The following SH3PXD2A variants were observed in gnomAD, a reference collection of about 807,000 sequenced individuals.
The protein encoded by SH3PXD2A is SH3 and PX domain-containing protein 2A.
Under a neutral mutation model 115.2 loss-of-function variants are expected in SH3PXD2A, and 32 were observed. The ratio of observed to expected loss-of-function variants is 0.28; its 90% CI spans 0.21 to 0.37. SH3PXD2A has a LOEUF of 0.37. Ranked by LOEUF, SH3PXD2A falls within the 10% of genes least tolerant of loss-of-function variation. The pLI is 1.00. For synonymous variants in SH3PXD2A, 610 were observed against 629.1 expected, an observed-to-expected ratio of 0.97 and a Z score of 0.45; for missense variants, 1,328 against 1,498.7, an observed-to-expected ratio of 0.89 and a Z score of 1.88.
intron 1 of SH3PXD2A, among the ~76,000 whole-genome samples, chr10:103,834,594 T>C (rs188386355): frequency 6.6e-6 from 1 of 152,370 alleles, no homozygotes; most frequent in East Asian, 1.9e-4. Flanking sequence ...AATAAAGCTG[T>C]TCCAAAAAGG....
intron 1 of SH3PXD2A, among the ~76,000 whole-genome samples, chr10:103,848,634 C>G (rs1444001020): frequency 2.0e-5 from 3 of 152,174 alleles, no homozygotes; most frequent in African/African-American, 7.2e-5. Context: ...CCACCTCCAG[C>G]ACCTTTGCTT....
At chr10:103,670,143 G>A (rs545727505) in intron 6 of SH3PXD2A, among the ~76,000 whole-genome samples, 1 of 152,232 alleles carries the variant, frequency 6.6e-6, no homozygotes, top group East Asian at 1.9e-4. Flanking sequence ...TTGCAGGTTG[G>A]CTCCCGGTGT....
rs745859057 is a variant in SH3PXD2A, at chr10:103,756,629, C to T, written c.229+10465G>A. On this transcript the variant is annotated intron_variant, in intron 3 of 14. Coordinates refer to ENST00000369774, the MANE Select transcript of SH3PXD2A (RefSeq NM_001394015.1). The surrounding 1 kb of genome is among the most constrained non-coding windows in gnomAD (Gnocchi z 4.4). ...AGGAAGTCCTTTCCCTTCACCCCCA[C>T]GGATGCAGCCCACAGGCAGGAGTGG... Among the ~76,000 whole-genome samples, 12 of 152,152 alleles carry T rather than the reference C, an allele frequency of 7.9e-5. No individual in the cohort carries two copies. The highest frequency in any genetic ancestry group is 1.3e-4 in the Admixed American group (2 of 15,286).
chr10:103,641,669 C>T (rs1036997915), intron 8 of SH3PXD2A, among the ~76,000 whole-genome samples: 4 of 152,206 alleles, frequency 2.6e-5, no homozygotes, highest in Non-Finnish European at 4.4e-5. Flanking sequence ...TCTGCTTCTC[C>T]TCCACTCCAC....
chr10:103,633,320 G>A (rs1401463958), intron 8 of SH3PXD2A, among the ~76,000 whole-genome samples: 1 of 152,072 alleles, frequency 6.6e-6, no homozygotes, highest in African/African-American at 2.4e-5. Flanking sequence ...GGAGGCTGAG[G>A]CATGAGAATC....
intron 3 of SH3PXD2A, among the ~76,000 whole-genome samples, chr10:103,766,644 C>T (rs1302428356): frequency 6.6e-6 from 1 of 152,206 alleles, no homozygotes; most frequent in Non-Finnish European, 1.5e-5. Flanking sequence ...CTTAAACACA[C>T]TCCAAAATGG....
intron 8 of SH3PXD2A, among the ~76,000 whole-genome samples, chr10:103,638,779 A>G (rs1353569448): frequency 1.3e-5 from 2 of 152,268 alleles, no homozygotes; most frequent in Non-Finnish European, 2.9e-5. Flanking sequence ...AAGCGCTGAC[A>G]TGAAGTGAAA....
intron 5 of SH3PXD2A, among the ~76,000 whole-genome samples, chr10:103,703,559 A>G (rs1367278143): frequency 1.3e-5 from 2 of 152,118 alleles, no homozygotes; most frequent in Middle Eastern, 3.2e-3. Flanking sequence ...AATAGCACTG[A>G]ATGTTCCAAT....
chr10:103,699,712 A>G (rs1181710188), intron 5 of SH3PXD2A, among the ~76,000 whole-genome samples: 1 of 152,154 alleles, frequency 6.6e-6, no homozygotes, highest in East Asian at 1.9e-4. Context: ...GGCAAGACAG[A>G]CAGAGGGGCC....
intron 1 of SH3PXD2A, among the ~76,000 whole-genome samples, chr10:103,853,347 C>T (rs1842913443): frequency 6.6e-6 from 1 of 152,204 alleles, no homozygotes; most frequent in South Asian, 2.1e-4. Flanking sequence ...CAATAATAAG[C>T]TACCATTTAA....
chr10:103,839,449 A>C (rs2039576083), intron 1 of SH3PXD2A, among the ~76,000 whole-genome samples: 1 of 152,108 alleles, frequency 6.6e-6, no homozygotes, highest in Non-Finnish European at 1.5e-5. Flanking sequence ...CAGTGTTTTG[A>C]GTGTTTTCTG....
intron 3 of SH3PXD2A, among the ~76,000 whole-genome samples, chr10:103,738,875 G>A (rs948667800): frequency 6.6e-6 from 1 of 151,700 alleles, no homozygotes; most frequent in African/African-American, 2.4e-5. Context: ...GCTCACTGCA[G>A]CCTCTGCCTC....
At chr10:103,826,789 TGG>T (rs2039434296) in intron 1 of SH3PXD2A, among the ~76,000 whole-genome samples, 1 of 152,240 alleles carries the variant, frequency 6.6e-6, no homozygotes, top group African/African-American at 2.4e-5. Context: ...ATATGGTGTG[TGG>T]CACACAGTAG....
chr10:103,777,778 G>C (rs2038894468), intron 2 of SH3PXD2A, among the ~76,000 whole-genome samples: 1 of 152,172 alleles, frequency 6.6e-6, no homozygotes, highest in Non-Finnish European at 1.5e-5. Flanking sequence ...AACAGAGGAG[G>C]ATTCCAGTTC....
intron 3 of SH3PXD2A, among the ~76,000 whole-genome samples, chr10:103,759,715 T>C (rs2038679759): frequency 6.6e-6 from 1 of 152,220 alleles, no homozygotes; most frequent in African/African-American, 2.4e-5. Flanking sequence ...AAACTCGGGA[T>C]ACACAGGAAA....
intron 3 of SH3PXD2A, among the ~76,000 whole-genome samples, chr10:103,741,792 G>A (rs1475305342): frequency 1.3e-5 from 2 of 152,222 alleles, no homozygotes; most frequent in Non-Finnish European, 2.9e-5. Flanking sequence ...AAGGAAGGTG[G>A]GAGGCAGTTG....
At chr10:103,840,399 C>T (rs2039585982) in intron 1 of SH3PXD2A, among the ~76,000 whole-genome samples, 1 of 152,354 alleles carries the variant, frequency 6.6e-6, no homozygotes, top group African/African-American at 2.4e-5. Context: ...CAAGCCCACC[C>T]CCTGCAGTGT....
chr10:103,668,546 C>T, intron 7 of SH3PXD2A, 62 bp downstream of exon 7: 3 of 1,408,236 alleles, frequency 2.1e-6, no homozygotes, highest in Non-Finnish European at 2.9e-6. Flanking sequence ...CAGGCACCGG[C>T]TCCCGCGCAC....
intron 6 of SH3PXD2A, among the ~76,000 whole-genome samples, chr10:103,691,249 C>G (rs1485152280): frequency 1.3e-5 from 2 of 152,178 alleles, no homozygotes; most frequent in Non-Finnish European, 2.9e-5. Context: ...AGAACTGATA[C>G]TTGTACAGTA....
Sources: gnomAD v4.1 joint callset for allele counts (sites outside exome capture counted in the v4.1 genomes callset) on GRCh38, gnomAD v4.1.1 for gene constraint, Gnocchi (gnomAD v3.1) non-coding constraint, MANE v1.5 for transcripts, NCBI Gene and HGNC (gene_info 2026-07-23, HGNC 2026-07-21) for gene names.